The following CDH13 variants were observed in gnomAD, a reference collection of about 807,000 sequenced individuals.
The protein encoded by CDH13 is cadherin 13, also known as cadherin-13.
Under a neutral mutation model 63.8 loss-of-function variants are expected in CDH13, and 24 were observed. The ratio of observed to expected loss-of-function variants is 0.38; its 90% CI spans 0.27 to 0.53. The LOEUF (loss-of-function observed/expected upper bound fraction) is 0.53, where lower values mean the gene tolerates loss of function less well. Among genes scored for constraint, CDH13 ranks in the 20% least tolerant of loss-of-function variants. The probability of loss-of-function intolerance (pLI) is 0.85; values close to 1 mark genes in which losing one functional copy is unlikely to be tolerated. For missense variants in CDH13, 1,049 were observed against 903.1 expected (o/e 1.16, Z -2.07); for synonymous variants, 503 against 355.3 (o/e 1.42, Z -4.67).
At chr16:82,949,561 G>A (rs6565091) in intron 2 of CDH13, among the ~76,000 whole-genome samples, 39,836 of 152,038 alleles carry the variant, frequency 0.26, 5,819 homozygotes, top group African/African-American at 0.39. Flanking sequence ...ATTTCAATGC[G>A]TGCATTTGTT....
rs549066160 is a variant in CDH13, at chr16:83,430,312, A to G, written c.782-56165A>G. Among the ~76,000 whole-genome samples, 9 of 152,318 alleles carry G rather than the reference A, an allele frequency of 5.9e-5. No individual in the cohort carries two copies. The South Asian group carries it at 1.0e-3, about 18-fold the overall frequency. The stretch of plus-strand genomic sequence containing the variant: ...AAGATTAACTATACAGTAAAAGACA[A>G]TGGAGAAATACACACACATACTCCC... On this transcript the variant is annotated intron_variant, in intron 6 of 13. Transcript: ENST00000567109.
chr16:83,086,051 A>G (rs2033575451), intron 3 of CDH13, among the ~76,000 whole-genome samples: 2 of 152,186 alleles, frequency 1.3e-5, no homozygotes, highest in South Asian at 4.1e-4. Flanking sequence ...TCCAATTGAG[A>G]ACAAACAAGG....
At chr16:83,104,562 G>C (rs970680200) in intron 3 of CDH13, among the ~76,000 whole-genome samples, 1 of 148,432 alleles carries the variant, frequency 6.7e-6, no homozygotes, top group South Asian at 2.1e-4. Flanking sequence ...AAAAAAGGAA[G>C]AAGAATAGTA....
At chr16:83,553,639 C>G (rs1009605669) in intron 7 of CDH13, among the ~76,000 whole-genome samples, 1 of 152,200 alleles carries the variant, frequency 6.6e-6, no homozygotes, top group Non-Finnish European at 1.5e-5. Flanking sequence ...TCACTGCAAC[C>G]TCTGCCTCTT....
At chr16:83,781,133 C>G (rs1444764855) in intron 12 of CDH13, among the ~76,000 whole-genome samples, 2 of 152,106 alleles carry the variant, frequency 1.3e-5, no homozygotes, top group African/African-American at 2.4e-5. Flanking sequence ...CAAGCAATGT[C>G]TCCTCCCACA....
At chr16:82,829,777 T>C (rs1414701298) in intron 1 of CDH13, 1 of 152,180 alleles carries the variant, frequency 6.6e-6, no homozygotes, top group Non-Finnish European at 1.5e-5. Context: ...CCTAATTCCC[T>C]GGCAAGCACA....
intron 6 of CDH13, among the ~76,000 whole-genome samples, chr16:83,460,842 T>A (rs1338729681): frequency 1.4e-5 from 2 of 140,624 alleles, no homozygotes; most frequent in African/African-American, 2.6e-5. Context: ...TACAAATAAT[T>A]AAAAAAAAAA....
chr16:83,282,099 G>A (rs2089192532), intron 5 of CDH13, among the ~76,000 whole-genome samples: 1 of 152,056 alleles, frequency 6.6e-6, no homozygotes, highest in Non-Finnish European at 1.5e-5. Flanking sequence ...GAGAGAGATG[G>A]GGGAATGGCT....
chr16:83,528,083 T>A (rs1210803601), intron 7 of CDH13, among the ~76,000 whole-genome samples: 1 of 152,212 alleles, frequency 6.6e-6, no homozygotes, highest in African/African-American at 2.4e-5. Context: ...CACACAGGCA[T>A]ACCTACTTAG....
intron 1 of CDH13, among the ~76,000 whole-genome samples, chr16:82,669,210 C>T (rs960197972): frequency 2.6e-5 from 4 of 152,182 alleles, no homozygotes; most frequent in Non-Finnish European, 5.9e-5. Flanking sequence ...TCTCTGGTAG[C>T]CTTTGGGGCA....
At chr16:82,767,234 C>G (rs939183471) in intron 1 of CDH13, among the ~76,000 whole-genome samples, 1 of 152,126 alleles carries the variant, frequency 6.6e-6, no homozygotes, top group Non-Finnish European at 1.5e-5. Context: ...TCTGTGTAAC[C>G]CAAAGCATTG....
chr16:82,681,930 C>T (rs1257192216), intron 1 of CDH13, among the ~76,000 whole-genome samples: 1 of 152,212 alleles, frequency 6.6e-6, no homozygotes, highest in Non-Finnish European at 1.5e-5. Flanking sequence ...GCAGCAGTTC[C>T]CAGGCTTAGT....
chr16:82,709,905 A>C (rs1199855566), intron 1 of CDH13, among the ~76,000 whole-genome samples: 2 of 152,082 alleles, frequency 1.3e-5, no homozygotes, highest in Non-Finnish European at 1.5e-5. Flanking sequence ...GGTTTGAAAG[A>C]AATAAAGCCC....
chr16:82,676,954 G>T (rs1180802832), intron 1 of CDH13, among the ~76,000 whole-genome samples: 1 of 152,124 alleles, frequency 6.6e-6, no homozygotes, highest in Non-Finnish European at 1.5e-5. Flanking sequence ...CGCAAGCTCA[G>T]CTCGCTGCAA....
chr16:82,855,512 C>G (rs2039648204), intron 1 of CDH13, among the ~76,000 whole-genome samples: 1 of 152,156 alleles, frequency 6.6e-6, no homozygotes, highest in African/African-American at 2.4e-5. Context: ...TGCTATTTAA[C>G]TGAATTAATG....
chr16:82,762,155 C>A (rs1352553793), intron 1 of CDH13, among the ~76,000 whole-genome samples: 2 of 152,104 alleles, frequency 1.3e-5, no homozygotes, highest in Non-Finnish European at 2.9e-5. Flanking sequence ...CCCCAAGTGA[C>A]CTGCACATCG....
chr16:83,405,360 T>C (rs993516778), intron 6 of CDH13, among the ~76,000 whole-genome samples: 2 of 152,168 alleles, frequency 1.3e-5, no homozygotes, highest in Non-Finnish European at 2.9e-5. Context: ...GTTAAGGATC[T>C]TGATTTAAAG....
chr16:83,249,367 C>G (rs1905265558), intron 5 of CDH13, among the ~76,000 whole-genome samples: 1 of 152,182 alleles, frequency 6.6e-6, no homozygotes, highest in Non-Finnish European at 1.5e-5. Flanking sequence ...TGGCAATGGG[C>G]AACACCAAGG....
intron 2 of CDH13, among the ~76,000 whole-genome samples, chr16:82,991,092 C>G (rs890014971): frequency 6.6e-6 from 1 of 152,156 alleles, no homozygotes; most frequent in Non-Finnish European, 1.5e-5. Flanking sequence ...TTGATAAAGT[C>G]CAGAAGCACA....
Sources: allele counts gnomAD v4.1 joint callset (sites outside exome capture counted in the v4.1 genomes callset), GRCh38; gene constraint gnomAD v4.1.1; transcripts MANE v1.5; gene names NCBI Gene and HGNC (gene_info 2026-07-23, HGNC 2026-07-21).